PLIN1: variants seen among roughly 807,000 people sequenced by gnomAD.
The protein encoded by PLIN1 is perilipin 1.
A neutral mutation model predicts 45.8 loss-of-function variants in PLIN1; 37 were observed. That is an observed-to-expected ratio of 0.81 (90% CI 0.62 to 1.06). PLIN1 has a LOEUF of 1.06. Among genes scored for constraint, PLIN1 ranks in the 50% least tolerant of loss-of-function variants. PLIN1 has a pLI of 0.00. For missense variants in PLIN1, 776 were observed against 716.5 expected, an observed-to-expected ratio of 1.08 and a Z score of -0.95; for synonymous variants, 340 against 309.2, an observed-to-expected ratio of 1.10 and a Z score of -1.05.
chr15:89,676,091 C>T (rs549705264), intron 2 of PLIN1, among the ~76,000 whole-genome samples: 1 of 152,032 alleles, frequency 6.6e-6, no homozygotes, highest in African/African-American at 2.4e-5. Flanking sequence ...CTCAGGCTCT[C>T]TGTAGCTTTG....
chr15:89,669,961 G>A lies in PLIN1; in HGVS notation c.598+19C>T, dbSNP rs1964411613. On this transcript the variant is annotated intron_variant, in intron 5 of 8. Coordinates refer to ENST00000300055, the MANE Select transcript of PLIN1 (RefSeq NM_002666.5). ...GTGTGACAACTCACTCCCAGGCCGA[G>A]CCTCCGAATGGCAGGTACCTGACTC... 1 of 1,604,586 alleles carries A rather than the reference G, an allele frequency of 6.2e-7. No individual in the cohort carries two copies. The highest frequency in any genetic ancestry group is 1.3e-5 in the African/African-American group (1 of 74,740).
At position 89,665,707 on chromosome 15, in the gene PLIN1, G is replaced by C. The variant is rs1478390376; in HGVS notation, c.1445C>G (p.Pro482Arg). Residue 482 changes from proline (P) to arginine (R), a missense_variant, in exon 9 of 9, where the codon CCG (proline) becomes CGG (arginine). Transcript: ENST00000300055. The stretch of plus-strand genomic sequence containing the variant: ...CTCGCGGGGCACGGCCGGGAAGCCC[G>C]GGCGCGGCGCTGCGGGCGTGGCGAC... ...DEVATPAAPR[P>R]GFPAVPREKP... The C allele has an allele frequency of 1.4e-6, 2 of 1,469,194 alleles. No individual in the cohort carries two copies. Among genetic ancestry groups the C allele is most frequent in the South Asian group, 1.3e-5 (1 of 77,128 alleles). 91.0% of individuals were successfully genotyped at this position (1,469,194 alleles called of 1,614,324 possible). A position where few individuals can be genotyped will look rare whatever the true frequency, so the allele number is the denominator to read the frequency against.
chr15:89,677,163 TA>T (rs1964531575), intron 2 of PLIN1: 1 of 513,514 alleles, frequency 1.9e-6, no homozygotes, highest in East Asian at 3.6e-5. Flanking sequence ...GTTTAAACAG[TA>T]GTTTCCTTCC....
intron 3 of PLIN1, among the ~76,000 whole-genome samples, chr15:89,672,120 G>A (rs1964449927): frequency 6.6e-6 from 1 of 151,840 alleles, no homozygotes; most frequent in African/African-American, 2.4e-5. Context: ...CACAGCCAGT[G>A]CAGGCCCCAG....
At chr15:89,666,838 G>A in intron 8 of PLIN1, 98 bp downstream of exon 8, 2 of 1,406,828 alleles carry the variant, frequency 1.4e-6, no homozygotes, top group Non-Finnish European at 2.0e-6. Context: ...AGGAGTAGGG[G>A]AAAGGAGGGG....
At chr15:89,675,457 G>A (rs750660982) in intron 2 of PLIN1, among the ~76,000 whole-genome samples, 2 of 147,668 alleles carry the variant, frequency 1.4e-5, no homozygotes, top group Non-Finnish European at 3.0e-5. Context: ...AGCTGGCCAT[G>A]CTAATATTTG....
chr15:89,677,609 G>T, intron 1 of PLIN1, 106 bp from the exon 2 acceptor site: 3 of 886,194 alleles, frequency 3.4e-6, no homozygotes, highest in Non-Finnish European at 3.9e-6. Flanking sequence ...CTGCCTGGGG[G>T]CCCATTTGCC....
Position 89,670,298 on chromosome 15 carries a change from G to T in PLIN1, c.334-54C>A, listed in dbSNP as rs758049958. On this transcript the variant is annotated intron_variant, in intron 4 of 8. Coordinates refer to ENST00000300055, the MANE Select transcript of PLIN1 (RefSeq NM_002666.5). ...ATGTGGTCTTGCAGGCCCTACAAGG[G>T]CTGCCCTTCCGGGGTCTGGTGGCCT... 1.2e-5 allele frequency: 19 copies of T among 1,568,928 alleles called. No homozygotes were observed. In the African/African-American group the frequency reaches 2.0e-4, roughly 17 times the overall value.
rs1336907148 is a variant in PLIN1 at position 89,666,989 on chromosome 15, C to T, written c.1156G>A (p.Ala386Thr). 6.2e-6 allele frequency: 10 copies of T among 1,613,972 alleles called. No individual in the cohort carries two copies. The highest frequency in any genetic ancestry group is 1.7e-5 in the Admixed American group (1 of 60,006). Residue 386 changes from alanine (A) to threonine (T), a missense_variant, in exon 8 of 9, where the codon GCC becomes ACC. Ala to Thr is a moderately conservative substitution (Grantham distance 58). Coordinates refer to ENST00000300055, the MANE Select transcript of PLIN1 (RefSeq NM_002666.5). ...TKGRAMSLSD[A>T]LKGVTDNVVD... Reference sequence around the variant, plus strand: ...ACGTTGTCAGTAACGCCCTTCAGGGCATCTGATAGGGACATGGCCCTCCCC... The same window carrying T: ...ACGTTGTCAGTAACGCCCTTCAGGGTATCTGATAGGGACATGGCCCTCCCC...
Position 89,667,865 on chromosome 15 carries a change from G to A in PLIN1, c.772-72C>T. ...AGGCCAGGGAGCCCCAGCAGCCCAA[G>A]CCCCTCGCCCCCAGGGTCCGGGCCA... On this transcript the variant is annotated intron_variant, in intron 6 of 8. Coordinates refer to ENST00000300055, the MANE Select transcript of PLIN1 (RefSeq NM_002666.5). 2.0e-6 allele frequency: 3 copies of A among 1,533,082 alleles called. No individual in the cohort carries two copies. In the East Asian group the frequency reaches 7.4e-5, roughly 38 times the overall value. The allele number at this position is 1,533,082 out of a possible 1,614,324, so 95.0% of individuals were successfully genotyped here. A position where few individuals can be genotyped will look rare whatever the true frequency, so the allele number is the denominator to read the frequency against.
chr15:89,677,260 C>T (rs947220130), intron 2 of PLIN1, 185 bp downstream of exon 2: 2 of 663,206 alleles, frequency 3.0e-6, no homozygotes, highest in African/African-American at 1.8e-5. Context: ...TTTTTCCCCT[C>T]CCAGATCCTC....
chr15:89,673,249 A>C lies in PLIN1; in HGVS notation c.211T>G (p.Trp71Gly). Residue 71 changes from tryptophan to glycine, a missense_variant, in exon 3 of 9, where the codon TGG (tryptophan) becomes GGG (glycine). Trp to Gly is a radical substitution (Grantham distance 184). Transcript: ENST00000300055. ...GVQSASSLAA[W>G]SMEPVVRRLS... The stretch of plus-strand genomic sequence containing the variant: ...CTGCGGACCACCGGCTCCATGCTCC[A>C]GGCAGCCAAGCTACTGGCGCTCTGC... 6.3e-7 allele frequency: 1 copy of C among 1,578,874 alleles called. No homozygotes were observed. The highest frequency in any genetic ancestry group is 1.2e-5 in the South Asian group (1 of 86,444).
intron 1 of PLIN1, 61 bp from the exon 2 acceptor site, chr15:89,677,564 T>C (rs1964537888): frequency 2.1e-6 from 3 of 1,400,308 alleles, no homozygotes; most frequent in African/African-American, 1.4e-5. Flanking sequence ...ACTGGGTCAC[T>C]TCCCTACCTC....
intron 2 of PLIN1, among the ~76,000 whole-genome samples, chr15:89,675,770 C>T (rs1158762087): frequency 6.6e-6 from 1 of 152,118 alleles, no homozygotes; most frequent in Admixed American, 6.6e-5. Flanking sequence ...GTCACCAACA[C>T]TGAGTCGATG....
intron 7 of PLIN1, 73 bp downstream of exon 7, chr15:89,667,529 G>A (rs1413332187): frequency 1.9e-6 from 3 of 1,612,224 alleles, no homozygotes; most frequent in African/African-American, 2.7e-5. Flanking sequence ...GAGGCCCTGA[G>A]TTCACCCTAT....
intron 7 of PLIN1, among the ~76,000 whole-genome samples, 187 bp downstream of exon 7, chr15:89,667,415 A>G (rs1362479587): frequency 2.6e-5 from 4 of 152,186 alleles, no homozygotes; most frequent in South Asian, 2.1e-4. Flanking sequence ...AGAGTGTTGC[A>G]AGGGTCAGCT....
Position 89,669,897 on chromosome 15 carries a change from G to A in PLIN1, c.598+83C>T, listed in dbSNP as rs748011613. On this transcript the variant is annotated intron_variant, in intron 5 of 8. Transcript: ENST00000300055. ...CTGGCCTTCCCTATTCCAGAGCAGT[G>A]GCTGGTTGAGCCACCTCCTGCTGAT... 48 of 1,424,598 alleles carry A rather than the reference G, an allele frequency of 3.4e-5. No homozygotes were observed. The Middle Eastern group carries it at 6.0e-4, about 18-fold the overall frequency. The allele number at this position is 1,424,598 out of a possible 1,614,324, so 88.2% of individuals were successfully genotyped here.
At chr15:89,674,175 C>T (rs1964482986) in intron 2 of PLIN1, among the ~76,000 whole-genome samples, 1 of 152,218 alleles carries the variant, frequency 6.6e-6, no homozygotes. Flanking sequence ...TGCCCAACTG[C>T]ACAGAATCAC....
Position 89,668,804 on chromosome 15 carries a change from C to T in PLIN1, c.771+696G>A, listed in dbSNP as rs530872949. 6.6e-5 allele frequency among the ~76,000 whole-genome samples: 10 copies of T among 152,294 alleles called. No individual in the cohort carries two copies. In the South Asian group the frequency reaches 8.3e-4, roughly 13 times the overall value. On this transcript the variant is annotated intron_variant, in intron 6 of 8. Coordinates refer to ENST00000300055, the MANE Select transcript of PLIN1 (RefSeq NM_002666.5). Reference sequence around the variant, plus strand: ...AACACTTGCTTGAATGAATGATCCACGCCTGATGATGCTTTTAAAAGTACT... The same window carrying T: ...AACACTTGCTTGAATGAATGATCCATGCCTGATGATGCTTTTAAAAGTACT...
Sources: gnomAD v4.1 joint callset for allele counts (sites outside exome capture counted in the v4.1 genomes callset) on GRCh38, gnomAD v4.1.1 for gene constraint, MANE v1.5 for transcripts, NCBI Gene and HGNC (gene_info 2026-07-23, HGNC 2026-07-21) for gene names.